Variants in MBOAT1 observed in about 807,000 individuals in gnomAD.
MBOAT1 encodes the protein membrane bound glycerophospholipid O-acyltransferase 1, also known as membrane-bound glycerophospholipid O-acyltransferase 1.
MBOAT1 carries 67 observed loss-of-function variants against 64.4 expected under a neutral mutation model. The ratio of observed to expected loss-of-function variants is 1.04; its 90% CI spans 0.85 to 1.27. MBOAT1 has a LOEUF of 1.27. Among genes scored for constraint, MBOAT1 ranks in the 50% most tolerant of loss-of-function variants. The pLI is 0.00. For synonymous variants in MBOAT1, 229 were observed against 218.9 expected, an observed-to-expected ratio of 1.05 and a Z score of -0.41; for missense variants, 563 against 604.6, an observed-to-expected ratio of 0.93 and a Z score of 0.72.
In MBOAT1 at chr6:20,100,561, C is replaced by T. The variant is rs977187615; in HGVS notation, c.*1725G>A. 6.6e-6 allele frequency among the ~76,000 whole-genome samples: 1 copy of T among 152,174 alleles called. No homozygotes were observed. Among genetic ancestry groups the T allele is most frequent in the Non-Finnish European group, 1.5e-5 (1 of 68,030 alleles). On this transcript the variant is annotated 3_prime_UTR_variant, in exon 13 of 13. Coordinates refer to ENST00000324607, the MANE Select transcript of MBOAT1 (RefSeq NM_001080480.3). ...AAGTTTGGGTTCTAGTACTCTCCCCCAGCACCAGGACTGTTTACATGCTGT... is the reference window on the plus strand; with the variant it reads ...AAGTTTGGGTTCTAGTACTCTCCCCTAGCACCAGGACTGTTTACATGCTGT...
chr6:20,162,581 C>T (rs1037438166), intron 1 of MBOAT1, among the ~76,000 whole-genome samples: 7 of 152,196 alleles, frequency 4.6e-5, no homozygotes, highest in Non-Finnish European at 1.5e-5. Flanking sequence ...GGAGTCTCCA[C>T]AAATGTTGGC....
chr6:20,192,237 C>G (rs1206298178), intron 1 of MBOAT1, among the ~76,000 whole-genome samples: 2 of 152,170 alleles, frequency 1.3e-5, no homozygotes, highest in South Asian at 2.1e-4. Flanking sequence ...CATTTCACAA[C>G]AGTCAAAAAT....
chr6:20,125,712 A>C (rs1235416560), intron 7 of MBOAT1, among the ~76,000 whole-genome samples: 1 of 152,252 alleles, frequency 6.6e-6, no homozygotes, highest in Non-Finnish European at 1.5e-5. Context: ...TTGACCAACC[A>C]TAAAGTGCTG....
intron 1 of MBOAT1, among the ~76,000 whole-genome samples, chr6:20,211,293 G>C (rs941631748): frequency 6.6e-6 from 1 of 152,162 alleles, no homozygotes; most frequent in Non-Finnish European, 1.5e-5. Context: ...AACAAAACAG[G>C]AGCGCAGTGG....
chr6:20,181,427 C>T (rs1283503228), intron 1 of MBOAT1, among the ~76,000 whole-genome samples: 3 of 152,324 alleles, frequency 2.0e-5, no homozygotes, highest in South Asian at 4.1e-4. Context: ...TTTTCCACCC[C>T]CACTTGATTC....
At chr6:20,115,425 C>T in intron 9 of MBOAT1, 73 bp from the exon 10 acceptor site, 1 of 1,260,706 alleles carries the variant, frequency 7.9e-7, no homozygotes, top group Non-Finnish European at 1.2e-6. Context: ...TCCCCAGTTT[C>T]CCTGGCAGCA....
chr6:20,197,572 C>T (rs548292997), intron 1 of MBOAT1, among the ~76,000 whole-genome samples: 11 of 152,162 alleles, frequency 7.2e-5, no homozygotes, highest in Non-Finnish European at 1.5e-5. Flanking sequence ...CAGTGAAAGG[C>T]TAATCAGAAA....
At chr6:20,122,198 A>C (rs1219699108) in intron 8 of MBOAT1, among the ~76,000 whole-genome samples, 2 of 152,188 alleles carry the variant, frequency 1.3e-5, no homozygotes, top group African/African-American at 4.8e-5. Context: ...CATAGAAAAA[A>C]TAAGGTCAGT....
intron 1 of MBOAT1, among the ~76,000 whole-genome samples, chr6:20,156,400 A>C (rs1761686881): frequency 6.6e-6 from 1 of 152,144 alleles, no homozygotes; most frequent in Admixed American, 6.5e-5. Flanking sequence ...GTATGTACAG[A>C]CTCAACCTGC....
At chr6:20,141,639 G>A (rs1761180000) in intron 4 of MBOAT1, among the ~76,000 whole-genome samples, 1 of 151,850 alleles carries the variant, frequency 6.6e-6, no homozygotes, top group Non-Finnish European at 1.5e-5. Flanking sequence ...CTGCCAGCTC[G>A]GCATTTCAAA....
intron 8 of MBOAT1, among the ~76,000 whole-genome samples, chr6:20,123,072 C>T (rs571542391): frequency 1.1e-4 from 16 of 152,014 alleles, no homozygotes; most frequent in African/African-American, 2.7e-4. Flanking sequence ...TGAAGTGATT[C>T]GCCAGCCTTA....
chr6:20,154,942 G>A (rs1435671507), intron 1 of MBOAT1, among the ~76,000 whole-genome samples: 1 of 152,174 alleles, frequency 6.6e-6, no homozygotes, highest in Non-Finnish European at 1.5e-5. Flanking sequence ...ACACAGCCCT[G>A]CATTCAACAT....
intron 3 of MBOAT1, among the ~76,000 whole-genome samples, chr6:20,148,248 C>T (rs543751392): frequency 1.3e-5 from 2 of 152,246 alleles, no homozygotes; most frequent in African/African-American, 4.8e-5. Context: ...GAAACCCTGT[C>T]TCTACTAAAA....
chr6:20,167,934 CAA>C (rs1762058182), intron 1 of MBOAT1, among the ~76,000 whole-genome samples: 1 of 152,176 alleles, frequency 6.6e-6, no homozygotes, highest in South Asian at 2.1e-4. Context: ...GAGAAAAGCT[CAA>C]AGTCACTAAT....
At chr6:20,120,944 G>A (rs901786852) in intron 8 of MBOAT1, among the ~76,000 whole-genome samples, 2 of 152,148 alleles carry the variant, frequency 1.3e-5, no homozygotes, top group Admixed American at 6.6e-5. Flanking sequence ...TACTATGCAT[G>A]GTTCCAATCT....
At chr6:20,148,681 C>T (rs757039230) in intron 3 of MBOAT1, among the ~76,000 whole-genome samples, 9 of 152,152 alleles carry the variant, frequency 5.9e-5, no homozygotes, top group African/African-American at 1.9e-4. Context: ...TTCCTGACTC[C>T]AGCCTAGAGC....
intron 7 of MBOAT1, 128 bp from the exon 8 acceptor site, chr6:20,124,728 A>T (rs1006942494): frequency 4.0e-6 from 3 of 757,182 alleles, no homozygotes; most frequent in African/African-American, 3.5e-5. Context: ...AGAAGGAGTG[A>T]CAACAGGCAT....
chr6:20,102,521 G>T lies in MBOAT1; in HGVS notation c.1362-109C>A, dbSNP rs535312530. ...ACAAGTGAGAGCACCGCTTTTGGCA[G>T]TAGGAGGCCTGTCTACACTCAGGCT... On this transcript the variant is annotated intron_variant, in intron 12 of 12. Transcript: ENST00000324607. The T allele has an allele frequency of 2.1e-4, 186 of 870,476 alleles. 4 individuals carry two copies. The South Asian group carries it at 3.1e-3, about 15-fold the overall frequency. The allele number at this position is 870,476 out of a possible 1,614,324, so 53.9% of individuals were successfully genotyped here.
intron 5 of MBOAT1, among the ~76,000 whole-genome samples, chr6:20,130,779 T>C (rs943779048): frequency 1.7e-4 from 26 of 152,108 alleles, no homozygotes; most frequent in Admixed American, 2.0e-4. Context: ...TTTCATTAGC[T>C]TGTGAGCTTC....
Sources: allele counts gnomAD v4.1 joint callset (sites outside exome capture counted in the v4.1 genomes callset), GRCh38; gene constraint gnomAD v4.1.1; transcripts MANE v1.5; gene names NCBI Gene and HGNC (gene_info 2026-07-23, HGNC 2026-07-21).